LRRC4C: variants seen among roughly 807,000 people sequenced by gnomAD.
LRRC4C encodes the protein leucine-rich repeat-containing protein 4C.
In LRRC4C, 5 loss-of-function variants were observed where a neutral mutation model predicts 33.6. The ratio of observed to expected loss-of-function variants is 0.15; its 90% CI spans 0.08 to 0.31. LRRC4C has a LOEUF of 0.31. Among genes scored for constraint, LRRC4C ranks in the 10% least tolerant of loss-of-function variants. The pLI is 1.00. For synonymous variants in LRRC4C, 329 were observed against 302.0 expected (o/e 1.09, Z -0.93); for missense variants, 560 against 796.7 (o/e 0.70, Z 3.58).
At chr11:41,182,926 G>A (rs1000003613) in intron 1 of LRRC4C, among the ~76,000 whole-genome samples, 40 of 151,876 alleles carry the variant, frequency 2.6e-4, no homozygotes, top group African/African-American at 9.7e-4. Context: ...GGAAGGCAAG[G>A]AGGAGCAAAT....
rs112844436 is a variant in LRRC4C at position 41,192,322 on chromosome 11, ATGTGTG to A, written c.-495-258605_-495-258600del. 5.7e-4 allele frequency among the ~76,000 whole-genome samples: 84 copies of A among 146,226 alleles called. 1 individual carries two copies. Among genetic ancestry groups the A allele is most frequent in the South Asian group, 1.6e-3 (7 of 4,430 alleles). On this transcript the variant is annotated intron_variant, in intron 1 of 6. Transcript: ENST00000528697. Reference sequence around the variant, plus strand: ...TTGTCTGGCATACAGCATGAATTAAATGTGTGTGTGTGTGTGTGTGTGTGTGTGTGT... The same window carrying A: ...TTGTCTGGCATACAGCATGAATTAAATGTGTGTGTGTGTGTGTGTGTGTGT...
chr11:40,315,927 C>T (rs1945551971), intron 4 of LRRC4C, among the ~76,000 whole-genome samples: 1 of 151,970 alleles, frequency 6.6e-6, no homozygotes, highest in Non-Finnish European at 1.5e-5. Flanking sequence ...TACAATCTCC[C>T]TGAGTAGGGC....
At chr11:41,347,654 AT>A (rs1485816136) in intron 1 of LRRC4C, among the ~76,000 whole-genome samples, 2 of 152,336 alleles carry the variant, frequency 1.3e-5, no homozygotes, top group African/African-American at 4.8e-5. Context: ...TGAGATAAAA[AT>A]ATTTTTAAAA....
Position 41,118,399 on chromosome 11 carries a change from G to A in LRRC4C, c.-495-184676C>T, listed in dbSNP as rs558545735. Among the ~76,000 whole-genome samples, 68 of 152,262 alleles carry A rather than the reference G, an allele frequency of 4.5e-4. 2 individuals carry two copies. The South Asian group carries it at 0.013, about 30-fold the overall frequency. ...GCCCCTCAGCCTGAAGTTGAAAGCAGGAAGGTGGGAGCTAGAATCAAAGAC... is the reference window on the plus strand; with the variant it reads ...GCCCCTCAGCCTGAAGTTGAAAGCAAGAAGGTGGGAGCTAGAATCAAAGAC... On this transcript the variant is annotated intron_variant, in intron 1 of 6. Transcript: ENST00000528697.
At chr11:40,648,810 C>T (rs1591368260) in intron 2 of LRRC4C, among the ~76,000 whole-genome samples, 1 of 152,154 alleles carries the variant, frequency 6.6e-6, no homozygotes, top group African/African-American at 2.4e-5. Flanking sequence ...TAGGTTCTTT[C>T]TATTTCCCAT....
intron 5 of LRRC4C, among the ~76,000 whole-genome samples, chr11:40,211,177 G>T (rs190420581): frequency 6.6e-6 from 1 of 152,238 alleles, no homozygotes; most frequent in East Asian, 1.9e-4. Flanking sequence ...TTATATTATA[G>T]ATTTCATTGT....
chr11:41,163,247 C>G (rs181850448), intron 1 of LRRC4C, among the ~76,000 whole-genome samples: 2 of 140,652 alleles, frequency 1.4e-5, no homozygotes, highest in Non-Finnish European at 3.1e-5. Flanking sequence ...TTATTAGCAA[C>G]ATGAAAATGG....
intron 2 of LRRC4C, among the ~76,000 whole-genome samples, chr11:40,915,556 T>G (rs12291903): frequency 0.048 from 7,270 of 152,214 alleles, 239 homozygotes; most frequent in African/African-American, 0.087. Flanking sequence ...CAAGATGGAT[T>G]AAAGACTTAA....
At chr11:41,102,679 T>C (rs1006904969) in intron 1 of LRRC4C, among the ~76,000 whole-genome samples, 3 of 152,042 alleles carry the variant, frequency 2.0e-5, no homozygotes, top group African/African-American at 4.8e-5. Context: ...CATTTCTCTC[T>C]TCCTCTCACA....
At chr11:40,946,664 A>G (rs1958417023) in intron 1 of LRRC4C, among the ~76,000 whole-genome samples, 1 of 152,138 alleles carries the variant, frequency 6.6e-6, no homozygotes, top group Non-Finnish European at 1.5e-5. Flanking sequence ...ATTGTCCCTT[A>G]TTGTGGTTTT....
intron 1 of LRRC4C, among the ~76,000 whole-genome samples, chr11:41,333,869 C>T (rs1001575662): frequency 1.4e-4 from 22 of 152,266 alleles, no homozygotes; most frequent in African/African-American, 5.3e-4. Context: ...CAATCTATAA[C>T]AATAAGCAAG....
intron 3 of LRRC4C, among the ~76,000 whole-genome samples, chr11:40,542,335 T>C (rs1956752794): frequency 6.6e-6 from 1 of 152,148 alleles, no homozygotes; most frequent in Admixed American, 6.6e-5. Flanking sequence ...TTCTGGACTA[T>C]AGTAATCTTA....
chr11:41,065,688 C>T (rs1325856678), intron 1 of LRRC4C, among the ~76,000 whole-genome samples: 1 of 152,168 alleles, frequency 6.6e-6, no homozygotes, highest in African/African-American at 2.4e-5. Context: ...AGGCCAGTAT[C>T]CCTCTGGGAT....
chr11:40,481,619 G>C (rs1406832418), intron 3 of LRRC4C, among the ~76,000 whole-genome samples: 5 of 152,020 alleles, frequency 3.3e-5, no homozygotes, highest in African/African-American at 1.2e-4. Flanking sequence ...AAATTGAATT[G>C]GGTTTTATGG....
rs562485625 is a variant in LRRC4C, at chr11:40,279,262, C to T, written c.-175-37664G>A. Among the ~76,000 whole-genome samples, 30 of 152,238 alleles carry T rather than the reference C, an allele frequency of 2.0e-4. No individual in the cohort carries two copies. The South Asian group carries it at 3.9e-3, about 20-fold the overall frequency. ...ACTGAGACAGGTCCAAGAGATCAGT[C>T]CCAAAAGAAAACTCGAATATGGATG... is the stretch of plus-strand genomic sequence containing the variant. On this transcript the variant is annotated intron_variant, in intron 4 of 6. Coordinates refer to ENST00000528697, the MANE Select transcript of LRRC4C (RefSeq NM_001258419.2).
chr11:40,328,563 C>A (rs1946203566), intron 3 of LRRC4C, among the ~76,000 whole-genome samples: 1 of 152,056 alleles, frequency 6.6e-6, no homozygotes, highest in African/African-American at 2.4e-5. Context: ...CTAAGGCAGA[C>A]AAGAATAGTC....
intron 1 of LRRC4C, among the ~76,000 whole-genome samples, chr11:41,023,577 T>C (rs920444025): frequency 2.6e-5 from 4 of 151,798 alleles, no homozygotes; most frequent in African/African-American, 7.2e-5. Flanking sequence ...CCAGAATTTC[T>C]AGGCATAAGG....
At chr11:40,809,903 TAA>T (rs1951415827) in intron 2 of LRRC4C, among the ~76,000 whole-genome samples, 1 of 152,178 alleles carries the variant, frequency 6.6e-6, no homozygotes, top group Non-Finnish European at 1.5e-5. Flanking sequence ...TTTAGTACTC[TAA>T]GAGATTGAAA....
intron 1 of LRRC4C, among the ~76,000 whole-genome samples, chr11:41,129,292 C>G (rs1942902804): frequency 6.6e-6 from 1 of 151,934 alleles, no homozygotes. Flanking sequence ...TGTAAATGTT[C>G]TCTGGGCTAC....
Sources: gnomAD v4.1 joint callset for allele counts (sites outside exome capture counted in the v4.1 genomes callset) on GRCh38, gnomAD v4.1.1 for gene constraint, MANE v1.5 for transcripts, NCBI Gene and HGNC (gene_info 2026-07-23, HGNC 2026-07-21) for gene names.